Variants in MR1 observed in about 807,000 individuals in gnomAD.
MR1 encodes major histocompatibility complex class I-related protein 1.
In MR1, 44 loss-of-function variants were observed where a neutral mutation model predicts 37.8. The observed-to-expected ratio is 1.16, with a 90% CI of 0.91 to 1.50. The LOEUF (loss-of-function observed/expected upper bound fraction) is 1.50. Ranked by LOEUF, MR1 falls within the 40% of genes most tolerant of loss-of-function variation. The probability of loss-of-function intolerance (pLI) is 0.00; values close to 1 mark genes in which losing one functional copy is unlikely to be tolerated. For missense variants in MR1, 386 were observed against 419.1 expected (o/e 0.92, Z 0.69); for synonymous variants, 153 against 155.8 (o/e 0.98, Z 0.13).
chr1:181,060,645 T>C lies in MR1; in HGVS notation c.*5380T>C, dbSNP rs1451612410. ...TCTTCCTTTAAATCACAACACTTAGTTCTCTTCCATTTATAAGACTCACCC... is the reference window on the plus strand; with the variant it reads ...TCTTCCTTTAAATCACAACACTTAGCTCTCTTCCATTTATAAGACTCACCC... On this transcript the variant is annotated 3_prime_UTR_variant, in exon 6 of 6. Coordinates refer to ENST00000367580, the MANE Select transcript of MR1 (RefSeq NM_001385161.1). 2 of 152,198 alleles carry C rather than the reference T, an allele frequency of 1.3e-5. No individual in the cohort carries two copies. Among genetic ancestry groups the C allele is most frequent in the African/African-American group, 4.8e-5 (2 of 41,422 alleles). 9.4% of individuals were successfully genotyped at this position (152,198 alleles called of 1,614,324 possible).
At position 181,056,989 on chromosome 1, in the gene MR1, A is replaced by G. The variant is rs1658655347; in HGVS notation, c.*1724A>G. The G allele has an allele frequency of 6.6e-6, 1 of 152,134 alleles. No individual in the cohort carries two copies. The highest frequency in any genetic ancestry group is 1.5e-5 in the Non-Finnish European group (1 of 68,102). The allele number at this position is 152,134 out of a possible 1,614,324, so 9.4% of individuals were successfully genotyped here. On this transcript the variant is annotated 3_prime_UTR_variant, in exon 6 of 6. Coordinates refer to ENST00000367580, the MANE Select transcript of MR1 (RefSeq NM_001385161.1). The stretch of plus-strand genomic sequence containing the variant: ...CAAATAATTAGCTGGGCATGGTGGC[A>G]TGTGCCTATAGTCCCAGCTACTTGG...
chr1:181,059,422 C>A lies in MR1; in HGVS notation c.*4157C>A, dbSNP rs1414041507. The A allele has an allele frequency of 6.6e-6, 1 of 152,226 alleles. No homozygotes were observed. The highest frequency in any genetic ancestry group is 2.4e-5 in the African/African-American group (1 of 41,444). 9.4% of individuals were successfully genotyped at this position (152,226 alleles called of 1,614,324 possible). On this transcript the variant is annotated 3_prime_UTR_variant, in exon 6 of 6. Coordinates refer to ENST00000367580, the MANE Select transcript of MR1 (RefSeq NM_001385161.1). ...AAACCTATTGGTTTAAAACAATACCCATTTTATTTTCTTTCATAGTTTCTA... is the reference window on the plus strand; with the variant it reads ...AAACCTATTGGTTTAAAACAATACCAATTTTATTTTCTTTCATAGTTTCTA...
At chr1:181,036,561 G>C (rs1657281603) in intron 1 of MR1, among the ~76,000 whole-genome samples, 1 of 152,160 alleles carries the variant, frequency 6.6e-6, no homozygotes, top group East Asian at 1.9e-4. Context: ...ATACTGCAGG[G>C]TTGTGGGTCA....
chr1:181,035,230 G>A (rs927859879), intron 1 of MR1, among the ~76,000 whole-genome samples: 1 of 151,862 alleles, frequency 6.6e-6, no homozygotes, highest in Non-Finnish European at 1.5e-5. Context: ...CCAGCTACTC[G>A]GGAGACTGAG....
chr1:181,061,301 C>T lies in MR1; in HGVS notation c.*6036C>T, dbSNP rs1448683129. 6.6e-6 allele frequency: 1 copy of T among 152,196 alleles called. No individual in the cohort carries two copies. Among genetic ancestry groups the T allele is most frequent in the Non-Finnish European group, 1.5e-5 (1 of 68,030 alleles). 9.4% of individuals were successfully genotyped at this position (152,196 alleles called of 1,614,324 possible). On this transcript the variant is annotated 3_prime_UTR_variant, in exon 6 of 6. Coordinates refer to ENST00000367580, the MANE Select transcript of MR1 (RefSeq NM_001385161.1). ...TGTGTGCAAACTGGAAAAATGAACC[C>T]TTCTTCTGGGAGGACGCCAGCCCAG...
chr1:181,042,237 T>C (rs1657594180), intron 1 of MR1, among the ~76,000 whole-genome samples: 1 of 149,400 alleles, frequency 6.7e-6, no homozygotes, highest in African/African-American at 2.5e-5. Context: ...AGTCTCGCTC[T>C]TGTTGCCCAG....
Position 181,056,686 on chromosome 1 carries a change from C to A in MR1, c.*1421C>A, listed in dbSNP as rs75395204. The stretch of plus-strand genomic sequence containing the variant: ...ACTTCTCTGACCCCGTTTGACTCTG[C>A]ACCTGAGCCCTAATGCTTACTTCAG... On this transcript the variant is annotated 3_prime_UTR_variant, in exon 6 of 6. Transcript: ENST00000367580. 6.6e-6 allele frequency: 1 copy of A among 152,554 alleles called. No individual in the cohort carries two copies. The highest frequency in any genetic ancestry group is 1.9e-4 in the East Asian group (1 of 5,192). The allele number at this position is 152,554 out of a possible 1,614,324, so 9.5% of individuals were successfully genotyped here.
At position 181,033,986 on chromosome 1, in the gene MR1, A is replaced by C. The variant is rs1353952136; in HGVS notation, c.-22A>C. 1 of 1,601,110 alleles carries C rather than the reference A, an allele frequency of 6.2e-7. No homozygotes were observed. The highest frequency in any genetic ancestry group is 1.8e-5 in the Admixed American group (1 of 56,040). ...AGGGACCTGTCAGTTTTTGGTTAAA[A>C]GAACCCGGAAAGAGAAGGACTATGG... On this transcript the variant is annotated 5_prime_UTR_variant, in exon 1 of 6. Transcript: ENST00000367580.
chr1:181,040,355 C>T (rs770099718), intron 1 of MR1, among the ~76,000 whole-genome samples: 1 of 152,020 alleles, frequency 6.6e-6, no homozygotes, highest in African/African-American at 2.4e-5. Flanking sequence ...CCAAATGATT[C>T]GAAATCTGAT....
chr1:181,045,933 C>T (rs535751415), intron 1 of MR1, among the ~76,000 whole-genome samples: 1 of 152,346 alleles, frequency 6.6e-6, no homozygotes, highest in Non-Finnish European at 1.5e-5. Context: ...TGGGGGCAGC[C>T]GGCCCTGCCG....
In MR1 at chr1:181,053,556, C is replaced by T; in HGVS notation, c.881-17C>T. ...GAAAGGGGACTTGTGGATTTTTTCT[C>T]ATTTGCTTGCTTTCAGAATCAGAAA... On this transcript the variant is annotated splice_polypyrimidine_tract_variant and intron_variant, in intron 4 of 5. Coordinates refer to ENST00000367580, the MANE Select transcript of MR1 (RefSeq NM_001385161.1). 1 of 1,590,348 alleles carries T rather than the reference C, an allele frequency of 6.3e-7. No individual in the cohort carries two copies.
Position 181,053,562 on chromosome 1 carries a change from C to T in MR1, c.881-11C>T, listed in dbSNP as rs1179266373. On this transcript the variant is annotated splice_polypyrimidine_tract_variant and intron_variant, in intron 4 of 5. Coordinates refer to ENST00000367580, the MANE Select transcript of MR1 (RefSeq NM_001385161.1). ...GGACTTGTGGATTTTTTCTCATTTGCTTGCTTTCAGAATCAGAAACTATCC... is the reference window on the plus strand; with the variant it reads ...GGACTTGTGGATTTTTTCTCATTTGTTTGCTTTCAGAATCAGAAACTATCC... 2 of 1,601,484 alleles carry T rather than the reference C, an allele frequency of 1.2e-6. No individual in the cohort carries two copies. The highest frequency in any genetic ancestry group is 2.2e-5 in the South Asian group (2 of 90,720).
In MR1 at chr1:181,053,706, G is replaced by A. The variant is rs374617057; in HGVS notation, c.985+29G>A. On this transcript the variant is annotated intron_variant, in intron 5 of 5. Coordinates refer to ENST00000367580, the MANE Select transcript of MR1 (RefSeq NM_001385161.1). The stretch of plus-strand genomic sequence containing the variant: ...AGAGGCACATGGAAGGGATCCAGGG[G>A]GCTGCAGACTCTCCTGCATCTCTCC... 9.6e-6 allele frequency: 14 copies of A among 1,454,520 alleles called. No individual in the cohort carries two copies. In the African/African-American group the frequency reaches 2.0e-4, roughly 20 times the overall value. The allele number at this position is 1,454,520 out of a possible 1,614,324, so 90.1% of individuals were successfully genotyped here. A position where few individuals can be genotyped will look rare whatever the true frequency, so the allele number is the denominator to read the frequency against.
intron 3 of MR1, chr1:181,051,065 T>C (rs1463035487): frequency 6.6e-6 from 1 of 152,176 alleles, no homozygotes; most frequent in African/African-American, 2.4e-5. Flanking sequence ...TTGGTCAACT[T>C]TTAGTTCATA....
chr1:181,048,884 A>G (rs1439487322), intron 1 of MR1, among the ~76,000 whole-genome samples, 168 bp from the exon 2 acceptor site: 1 of 152,196 alleles, frequency 6.6e-6, no homozygotes, highest in Non-Finnish European at 1.5e-5. Context: ...CGTCCTGTCC[A>G]GGCCCCGGTT....
At chr1:181,046,326 TAG>T (rs919360892) in intron 1 of MR1, among the ~76,000 whole-genome samples, 4 of 152,194 alleles carry the variant, frequency 2.6e-5, no homozygotes, top group African/African-American at 9.7e-5. Flanking sequence ...CCTTTATGTC[TAG>T]CTAAGGGATT....
Position 181,052,261 on chromosome 1 carries a change from A to T in MR1, c.631A>T (p.Lys211Ter). 1 of 1,614,216 alleles carries T rather than the reference A, an allele frequency of 6.2e-7. No individual in the cohort carries two copies. The highest frequency in any genetic ancestry group is 8.5e-7 in the Non-Finnish European group (1 of 1,180,026). ...GCCCCCACTGGTCAGAGTAAATCGC[A>T]AAGAAACTTTTCCAGGGGTTACAGC... ...TEPPLVRVNR[K>*]ETFPGVTALF... Residue 211 changes from lysine (K) to a stop codon, truncating the protein, a stop_gained, in exon 4 of 6, where the codon AAA becomes TAA. Coordinates refer to ENST00000367580, the MANE Select transcript of MR1 (RefSeq NM_001385161.1). LOFTEE classifies it high-confidence loss of function.
intron 5 of MR1, 116 bp downstream of exon 5, chr1:181,053,793 G>T (rs1571401306): frequency 5.3e-6 from 4 of 752,046 alleles, no homozygotes; most frequent in Admixed American, 2.4e-5. Context: ...CTCTCAGGCT[G>T]GGATCACAGA....
chr1:181,048,370 C>G (rs575143426), intron 1 of MR1, among the ~76,000 whole-genome samples: 1 of 151,880 alleles, frequency 6.6e-6, no homozygotes, highest in East Asian at 1.9e-4. Context: ...ACTGACTCTA[C>G]TAAAACTACA....
Sources: allele counts gnomAD v4.1 joint callset (sites outside exome capture counted in the v4.1 genomes callset), GRCh38; gene constraint gnomAD v4.1.1; transcripts MANE v1.5; gene names NCBI Gene and HGNC (gene_info 2026-07-23, HGNC 2026-07-21).